Variants in SCAPER observed in about 807,000 individuals in gnomAD.
SCAPER encodes the protein S-phase cyclin A associated protein in the ER.
Under a neutral mutation model 182.2 loss-of-function variants are expected in SCAPER, and 98 were observed. That is an observed-to-expected ratio of 0.54 (90% CI 0.46 to 0.64). The LOEUF is 0.64. Among genes scored for constraint, SCAPER ranks in the 30% least tolerant of loss-of-function variants. The pLI, the probability that SCAPER is intolerant of heterozygous loss-of-function variation, is 0.00. For synonymous variants in SCAPER, 605 were observed against 564.6 expected (o/e 1.07, Z -1.01); for missense variants, 1,432 against 1,690.0 (o/e 0.85, Z 2.68).
chr15:76,386,932 A>G (rs951591532), intron 27 of SCAPER, among the ~76,000 whole-genome samples: 5 of 152,248 alleles, frequency 3.3e-5, no homozygotes, highest in African/African-American at 1.2e-4. Context: ...CTTCATTTGA[A>G]CAATGAGCAC....
intron 5 of SCAPER, among the ~76,000 whole-genome samples, chr15:76,818,620 G>C (rs1238172780): frequency 1.3e-5 from 2 of 152,202 alleles, no homozygotes; most frequent in African/African-American, 2.4e-5. Context: ...AGCCAAGATG[G>C]CCAAATAGGA....
chr15:76,579,731 C>G (rs898999060), intron 22 of SCAPER, among the ~76,000 whole-genome samples: 2 of 151,930 alleles, frequency 1.3e-5, no homozygotes, highest in African/African-American at 4.8e-5. Flanking sequence ...ATGTAATGGC[C>G]GAATGGATTA....
At chr15:76,352,087 T>A (rs549932497) in intron 30 of SCAPER, among the ~76,000 whole-genome samples, 1 of 152,198 alleles carries the variant, frequency 6.6e-6, no homozygotes, top group Non-Finnish European at 1.5e-5. Context: ...CATAAGGAAC[T>A]AAGCTGATAC....
At chr15:76,838,384 A>G in intron 5 of SCAPER, among the ~76,000 whole-genome samples, 1 of 152,194 alleles carries the variant, frequency 6.6e-6, no homozygotes, top group East Asian at 1.9e-4. Flanking sequence ...AATAGGAGAC[A>G]CTGGGGCCCA....
chr15:76,450,012 T>C (rs142100793), intron 25 of SCAPER, among the ~76,000 whole-genome samples: 5 of 152,334 alleles, frequency 3.3e-5, no homozygotes, highest in African/African-American at 9.6e-5. Flanking sequence ...AGTTCTACTG[T>C]TGTAAGAAGA....
chr15:76,720,034 T>A (rs2060120898), intron 17 of SCAPER, among the ~76,000 whole-genome samples: 1 of 151,668 alleles, frequency 6.6e-6, no homozygotes, highest in African/African-American at 2.4e-5. Flanking sequence ...ACCCATTAAC[T>A]CATCATTTAG....
chr15:76,370,291 A>ATTTTTTTTTTTTTTTTTTTTTTT (rs10524497), intron 29 of SCAPER, among the ~76,000 whole-genome samples: 1 of 119,460 alleles, frequency 8.4e-6, no homozygotes, highest in African/African-American at 3.7e-5. Flanking sequence ...TACCATTTCA[A>ATTTTTTTTTTTTTTTTTTTTTTT]TTTTTTTTTT....
intron 4 of SCAPER, among the ~76,000 whole-genome samples, chr15:76,851,960 C>T (rs1333854751): frequency 6.6e-6 from 1 of 151,862 alleles, no homozygotes; most frequent in Non-Finnish European, 1.5e-5. Context: ...CACATAGAGA[C>T]ATGCATAGGC....
At chr15:76,765,224 A>C in intron 13 of SCAPER, 113 bp downstream of exon 13, 1 of 1,030,014 alleles carries the variant, frequency 9.7e-7, no homozygotes, top group African/African-American at 1.6e-5. Context: ...ATGGATCTGA[A>C]ACTGTCCTGA....
intron 23 of SCAPER, among the ~76,000 whole-genome samples, chr15:76,544,242 T>C (rs1456012161): frequency 6.6e-6 from 1 of 152,158 alleles, no homozygotes; most frequent in Non-Finnish European, 1.5e-5. Flanking sequence ...AAACAGGTGC[T>C]TTGGAAAAAT....
At chr15:76,824,852 C>A (rs2067863973) in intron 5 of SCAPER, among the ~76,000 whole-genome samples, 1 of 152,116 alleles carries the variant, frequency 6.6e-6, no homozygotes, top group Non-Finnish European at 1.5e-5. Flanking sequence ...TAATTTAAAC[C>A]TTACCTGCAT....
intron 7 of SCAPER, among the ~76,000 whole-genome samples, chr15:76,799,758 C>T (rs150002146): frequency 3.3e-4 from 51 of 152,256 alleles, no homozygotes; most frequent in African/African-American, 1.2e-3. Flanking sequence ...ACTCAATAAC[C>T]TAAGTGACAT....
At chr15:76,688,653 T>A (rs1161215204) in intron 20 of SCAPER, among the ~76,000 whole-genome samples, 3 of 152,132 alleles carry the variant, frequency 2.0e-5, no homozygotes, top group Admixed American at 1.3e-4. Flanking sequence ...TGCATATGGC[T>A]AGCCAGTTTT....
At chr15:76,629,833 G>A (rs1304393376) in intron 21 of SCAPER, among the ~76,000 whole-genome samples, 2 of 152,180 alleles carry the variant, frequency 1.3e-5, no homozygotes, top group Non-Finnish European at 2.9e-5. Flanking sequence ...AATAGGAATA[G>A]TACCAGCTCT....
intron 29 of SCAPER, among the ~76,000 whole-genome samples, chr15:76,358,287 T>C (rs938834582): frequency 1.3e-5 from 2 of 152,222 alleles, no homozygotes; most frequent in Non-Finnish European, 2.9e-5. Flanking sequence ...CGTAGGTGCA[T>C]AGCTCCCCTT....
At chr15:76,770,288 G>A (rs1048777984) in intron 10 of SCAPER, among the ~76,000 whole-genome samples, 9 of 151,680 alleles carry the variant, frequency 5.9e-5, no homozygotes, top group African/African-American at 1.9e-4. Flanking sequence ...AACCAACATG[G>A]CACATGTATA....
intron 14 of SCAPER, among the ~76,000 whole-genome samples, chr15:76,764,439 G>T (rs1224686163): frequency 6.6e-6 from 1 of 152,246 alleles, no homozygotes; most frequent in Non-Finnish European, 1.5e-5. Flanking sequence ...GGCAATGGGG[G>T]CCATGGCCAG....
At chr15:76,567,184 G>C (rs1183296818) in intron 23 of SCAPER, 1 of 280,060 alleles carries the variant, frequency 3.6e-6, no homozygotes, top group African/African-American at 2.3e-5. Context: ...TCACTAAAAA[G>C]AGTTTGTGAG....
chr15:76,702,321 A>G (rs979145870), intron 19 of SCAPER, among the ~76,000 whole-genome samples: 3 of 152,174 alleles, frequency 2.0e-5, no homozygotes, highest in Non-Finnish European at 2.9e-5. Flanking sequence ...TTAAGCAGGT[A>G]ATCATCCATT....
Sources: allele counts gnomAD v4.1 joint callset (sites outside exome capture counted in the v4.1 genomes callset), GRCh38; gene constraint gnomAD v4.1.1; transcripts MANE v1.5; gene names NCBI Gene and HGNC (gene_info 2026-07-23, HGNC 2026-07-21).